The following LMNA variants were observed in gnomAD, a reference collection of about 807,000 sequenced individuals.
LMNA encodes lamin A/C.
A neutral mutation model predicts 70.4 loss-of-function variants in LMNA; 20 were observed. The ratio of observed to expected loss-of-function variants is 0.28; its 90% CI spans 0.20 to 0.41. The LOEUF is 0.41. LMNA is among the 10% of genes least tolerant of loss of function. The probability of loss-of-function intolerance (pLI) is 1.00; values close to 1 mark genes in which losing one functional copy is unlikely to be tolerated. For missense variants in LMNA, 652 were observed against 917.2 expected (o/e 0.71, Z 3.73); for synonymous variants, 339 against 372.8 (o/e 0.91, Z 1.04).
At chr1:156,106,718 C>CA (rs1210028857) in intron 3 of LMNA, 5 of 145,486 alleles carry the variant, frequency 3.4e-5, no homozygotes, top group Non-Finnish European at 7.5e-5. Context: ...GGTGAGGGGC[C>CA]AAAGCTCGGG....
At chr1:156,084,755 G>A (rs948734245) in intron 2 of LMNA, among the ~76,000 whole-genome samples, 1 of 152,192 alleles carries the variant, frequency 6.6e-6, no homozygotes, top group African/African-American at 2.4e-5. Flanking sequence ...TTTTTGTGGG[G>A]CCACCAGCTG....
chr1:156,130,885 A>G, intron 2 of LMNA, 112 bp downstream of exon 2: 1 of 1,061,858 alleles, frequency 9.4e-7, no homozygotes, highest in Non-Finnish European at 1.4e-6. Context: ...ACCTGATTTC[A>G]GAGCCATTCA....
At chr1:156,099,921 C>G (rs1649085664) in intron 3 of LMNA, among the ~76,000 whole-genome samples, 2 of 149,396 alleles carry the variant, frequency 1.3e-5, no homozygotes, top group Admixed American at 1.3e-4. Flanking sequence ...AGATCAATTA[C>G]TAATCAAAAT....
chr1:156,086,426 T>TCTCTCTCTCTCTCTCTCTCTCTCTC (rs1375166588), intron 2 of LMNA, among the ~76,000 whole-genome samples: 1 of 95,814 alleles, frequency 1.0e-5, no homozygotes, highest in African/African-American at 4.6e-5. Flanking sequence ...CTCTCTCTCT[T>TCTCTCTCTCTCTCTCTCTCTCTCTC]TTGTCTTTCT....
chr1:156,126,341 C>A, intron 1 of LMNA: 1 of 826,288 alleles, frequency 1.2e-6, no homozygotes, highest in Non-Finnish European at 1.8e-6. Flanking sequence ...GTCTGTCCCT[C>A]TTGCTTCTCC....
Position 156,136,947 on chromosome 1 carries a change from C to G in LMNA, c.1407C>G (p.Ile469Met). ...NEDQSMGNWQ[I>M]KRQNGDDPLL... ...ACCAGTCCATGGGCAATTGGCAGAT[C>G]AAGCGCCAGAATGGAGATGATCCCT... is the stretch of plus-strand genomic sequence containing the variant. Residue 469 changes from isoleucine to methionine, a missense_variant, in exon 8 of 12, where the codon ATC becomes ATG. By Grantham distance (10) the Ile-to-Met change is conservative. Around this residue, in one of 4 missense-constraint regions of LMNA, gnomAD observed 327 missense variants for 387.6 expected, o/e 0.84. Coordinates refer to ENST00000368300, the MANE Select transcript of LMNA (RefSeq NM_170707.4). The surrounding 1 kb of genome is among the most constrained non-coding windows in gnomAD (Gnocchi z 6.1). 1 of 1,614,092 alleles carries G rather than the reference C, an allele frequency of 6.2e-7. No homozygotes were observed. The highest frequency in any genetic ancestry group is 8.5e-7 in the Non-Finnish European group (1 of 1,179,978).
intron 2 of LMNA, among the ~76,000 whole-genome samples, chr1:156,133,299 G>A (rs546846547): frequency 6.6e-6 from 1 of 152,176 alleles, no homozygotes; most frequent in South Asian, 2.1e-4. Context: ...ACGGCTGGGT[G>A]TGGTGGCTCA....
chr1:156,112,037 G>A (rs1396099674), upstream of LMNA, among the ~76,000 whole-genome samples: 1 of 152,218 alleles, frequency 6.6e-6, no homozygotes, highest in African/African-American at 2.4e-5. Flanking sequence ...CCATTTTGAT[G>A]GTGGTCGCAG....
chr1:156,132,272 C>T (rs960482304), intron 2 of LMNA, among the ~76,000 whole-genome samples: 5 of 152,058 alleles, frequency 3.3e-5, no homozygotes, highest in Non-Finnish European at 7.4e-5. Context: ...GAGTTCGAGA[C>T]TAGCCTGGCC....
rs267607648 is a variant in LMNA at position 156,138,681 on chromosome 1, G to A, written c.1892G>A (p.Gly631Asp). ...TVTRSYRSVG[G>D]SGGGSFGDNL... is the part of the protein sequence containing the mutation. ...ACTCGCAGCTACCGCAGTGTGGGGG[G>A]CAGTGGGGGTGGCAGCTTCGGGGAC... Residue 631 changes from glycine to aspartate, a missense_variant, in exon 11 of 12, where the codon GGC becomes GAC. By Grantham distance (94) the Gly-to-Asp change is moderately conservative. Around this residue, in one of 4 missense-constraint regions of LMNA, gnomAD observed 327 missense variants for 387.6 expected, o/e 0.84. Transcript: ENST00000368300. The surrounding 1 kb of genome is among the most constrained non-coding windows in gnomAD (Gnocchi z 5.5). 3 of 1,613,728 alleles carry A rather than the reference G, an allele frequency of 1.9e-6. No homozygotes were observed. Among genetic ancestry groups the A allele is most frequent in the Non-Finnish European group, 2.5e-6 (3 of 1,179,996 alleles).
At chr1:156,120,773 T>C (rs1329784795) in intron 1 of LMNA, among the ~76,000 whole-genome samples, 2 of 152,138 alleles carry the variant, frequency 1.3e-5, no homozygotes, top group Non-Finnish European at 1.5e-5. Context: ...ATATGATCGA[T>C]AGCCTTTGCT....
upstream of LMNA, among the ~76,000 whole-genome samples, chr1:156,110,802 C>A (rs944615308): frequency 1.3e-5 from 2 of 151,918 alleles, no homozygotes; most frequent in African/African-American, 2.4e-5. Context: ...ATGGGGAAAC[C>A]CTGTGTCTAC....
chr1:156,105,324 C>T (rs1558111639), intron 3 of LMNA, among the ~76,000 whole-genome samples: 1 of 152,274 alleles, frequency 6.6e-6, no homozygotes, highest in East Asian at 1.9e-4. Context: ...TGAAGTTCTA[C>T]TTCTAGGCAA....
In LMNA at chr1:156,137,157, C is replaced by G; in HGVS notation, c.1533C>G (p.Asp511Glu). 6.2e-7 allele frequency: 1 copy of G among 1,612,834 alleles called. No individual in the cohort carries two copies. The highest frequency in any genetic ancestry group is 8.5e-7 in the Non-Finnish European group (1 of 1,179,558). The change falls in exon 9 of 12, where the codon GAC becomes GAG. Residue 511 changes from aspartate (D) to glutamate (E), a missense_variant. Physicochemically the swap from Asp to Glu is conservative, Grantham distance 45. Transcript: ENST00000368300. The surrounding 1 kb of genome is among the most constrained non-coding windows in gnomAD (Gnocchi z 4.6). ...GGGCCACCCACAGCCCCCCTACCGACCTGGTGTGGAAGGCACAGAACACCT... is the reference window on the plus strand; with the variant it reads ...GGGCCACCCACAGCCCCCCTACCGAGCTGGTGTGGAAGGCACAGAACACCT... ...GAGATHSPPTDLVWKAQNTWG... is the reference protein window; with the variant it reads ...GAGATHSPPTELVWKAQNTWG...
At position 156,103,784 on chromosome 1, in the gene LMNA, C is replaced by A. The variant is rs561191089; in HGVS notation, c.-206-10929C>A. 2.6e-5 allele frequency among the ~76,000 whole-genome samples: 4 copies of A among 152,274 alleles called. No homozygotes were observed. The highest frequency in any genetic ancestry group is 2.6e-4 in the Admixed American group (4 of 15,296). On this transcript the variant is annotated intron_variant, in intron 3 of 12. Transcript: ENST00000368301. The surrounding 1 kb of genome is among the most constrained non-coding windows in gnomAD (Gnocchi z 4.7). ...CTGGCTCCATTTGAACATACCCCAC[C>A]CTCCCTGCTCTTTATCCCTCAACGC...
intron 3 of LMNA, among the ~76,000 whole-genome samples, chr1:156,104,597 C>G (rs1253810422): frequency 6.6e-6 from 1 of 152,136 alleles, no homozygotes; most frequent in Non-Finnish European, 1.5e-5. Context: ...CGTCCATCCT[C>G]CACTCCTGGA....
chr1:156,121,080 C>T (rs1036513378), intron 1 of LMNA, among the ~76,000 whole-genome samples: 3 of 135,952 alleles, frequency 2.2e-5, no homozygotes, highest in East Asian at 2.1e-4. Context: ...TTGACAGTCT[C>T]GCTCCCTGGC....
chr1:156,089,403 C>A (rs1471680946), intron 2 of LMNA, among the ~76,000 whole-genome samples: 1 of 151,820 alleles, frequency 6.6e-6, no homozygotes, highest in African/African-American at 2.4e-5. Flanking sequence ...TCAAGCGATT[C>A]TCCTGCCTCA....
intron 1 of LMNA, among the ~76,000 whole-genome samples, chr1:156,127,509 G>GGT (rs1650688780): frequency 1.2e-5 from 1 of 84,492 alleles, no homozygotes; most frequent in African/African-American, 5.0e-5. Flanking sequence ...CCCCCTTACT[G>GGT]TTTTTTTTTT....
Sources: gnomAD v4.1 joint callset for allele counts (sites outside exome capture counted in the v4.1 genomes callset) on GRCh38, gnomAD v4.1.1 for gene constraint, gnomAD v4.1.1 regional missense constraint, Gnocchi (gnomAD v3.1) non-coding constraint, MANE v1.5 for transcripts, NCBI Gene and HGNC (gene_info 2026-07-23, HGNC 2026-07-21) for gene names.